RBM46: variants seen among roughly 807,000 people sequenced by gnomAD.
The protein encoded by RBM46 is RNA binding motif protein 46.
In RBM46, 12 loss-of-function variants were observed where a neutral mutation model predicts 43.3. The ratio of observed to expected loss-of-function variants is 0.28; its 90% CI spans 0.18 to 0.45. RBM46 has a LOEUF of 0.45. Among genes scored for constraint, RBM46 ranks in the 20% least tolerant of loss-of-function variants. RBM46 has a pLI of 1.00. For synonymous variants in RBM46, 205 were observed against 207.6 expected, an observed-to-expected ratio of 0.99 and a Z score of 0.11; for missense variants, 412 against 639.1, an observed-to-expected ratio of 0.64 and a Z score of 3.83.
In RBM46 at chr4:154,789,052, G is replaced by A. The variant is rs184880332; in HGVS notation, c.-12+7616G>A. On this transcript the variant is annotated intron_variant, in intron 1 of 4. Transcript: ENST00000281722. ...TATCCTGAGACTTTGCTGAAGTTGC[G>A]TATCAGCTTAAGGAGATTTTGGGCT... Among the ~76,000 whole-genome samples the A allele has an allele frequency of 5.3e-4, 81 of 152,212 alleles. 1 individual carries two copies. The East Asian group carries it at 0.012, about 22-fold the overall frequency.
chr4:154,827,149 ATT>A, intron 4 of RBM46: 2 of 934,678 alleles, frequency 2.1e-6, no homozygotes, highest in Non-Finnish European at 2.6e-6. Context: ...ATGAATGTTT[ATT>A]GTGAAACAGT....
intron 1 of RBM46, chr4:154,782,002 T>G (rs1293314818): frequency 2.6e-5 from 4 of 152,308 alleles, no homozygotes; most frequent in Non-Finnish European, 5.9e-5. Flanking sequence ...CCTAGTCGTT[T>G]GCGTGGAGTT....
intron 4 of RBM46, among the ~76,000 whole-genome samples, chr4:154,802,047 G>C (rs1734662558): frequency 6.6e-6 from 1 of 152,054 alleles, no homozygotes; most frequent in African/African-American, 2.4e-5. Context: ...TTCAGGCTCA[G>C]AACAGTTAAT....
intron 4 of RBM46, among the ~76,000 whole-genome samples, chr4:154,800,919 A>G (rs1275787134): frequency 6.6e-6 from 1 of 151,942 alleles, no homozygotes; most frequent in African/African-American, 2.4e-5. Flanking sequence ...ATTTTTATAT[A>G]TTGTTTAGGC....
chr4:154,825,226 G>T (rs1735903905), intron 4 of RBM46, among the ~76,000 whole-genome samples: 1 of 152,024 alleles, frequency 6.6e-6, no homozygotes, highest in Admixed American at 6.6e-5. Flanking sequence ...TATATGCTAG[G>T]AATGTTAACT....
Position 154,797,774 on chromosome 4 carries a change from A to G in RBM46, c.152-37A>G, listed in dbSNP as rs60079962. On this transcript the variant is annotated intron_variant, in intron 2 of 4. Transcript: ENST00000281722. ...ATTGAATAGTGAGTACAAATATCCA[A>G]TTAGAATTTATGTGTCTTTTCATTT... The G allele has an allele frequency of 9.4e-3, 12,732 of 1,349,868 alleles. 807 individuals are homozygous for G. The African/African-American group carries it at 0.15, about 16-fold the overall frequency. 83.6% of individuals were successfully genotyped at this position (1,349,868 alleles called of 1,614,324 possible).
chr4:154,826,422 C>T (rs534322287), intron 4 of RBM46, among the ~76,000 whole-genome samples: 1 of 152,228 alleles, frequency 6.6e-6, no homozygotes, highest in East Asian at 1.9e-4. Flanking sequence ...CGCACCATTG[C>T]ACCCCAGCTT....
At chr4:154,787,178 CT>C (rs765705977) in intron 1 of RBM46, 37 of 152,198 alleles carry the variant, frequency 2.4e-4, no homozygotes, top group Non-Finnish European at 5.1e-4. Flanking sequence ...AGTTTAATAT[CT>C]GATATGTCTT....
chr4:154,811,669 C>CTGTGTGTGTGTGTGTGTG (rs70947182), intron 4 of RBM46, among the ~76,000 whole-genome samples: 4 of 130,760 alleles, frequency 3.1e-5, no homozygotes, highest in African/African-American at 8.4e-5. Context: ...GTGTGTGTGT[C>CTGTGTGTGTGTGTGTGTG]TGTGTGTGTG....
intron 4 of RBM46, among the ~76,000 whole-genome samples, chr4:154,826,388 G>A (rs1201257088): frequency 6.6e-6 from 1 of 152,122 alleles, no homozygotes; most frequent in Non-Finnish European, 1.5e-5. Context: ...AACCCAGGAG[G>A]TGGAGGTTGC....
At chr4:154,826,144 C>A (rs1160059848) in intron 4 of RBM46, among the ~76,000 whole-genome samples, 1 of 137,622 alleles carries the variant, frequency 7.3e-6, no homozygotes, top group Non-Finnish European at 1.6e-5. Context: ...TGAAGTGGAT[C>A]CTTTTAAAAA....
intron 1 of RBM46, among the ~76,000 whole-genome samples, chr4:154,786,674 A>G (rs1293797641): frequency 6.6e-6 from 1 of 151,960 alleles, no homozygotes; most frequent in Non-Finnish European, 1.5e-5. Context: ...CACGCCTTTA[A>G]TCCCAGCACT....
intron 4 of RBM46, among the ~76,000 whole-genome samples, chr4:154,811,669 CTGTGTGTGTGTG>C (rs70947182): frequency 3.1e-5 from 4 of 130,758 alleles, no homozygotes; most frequent in African/African-American, 5.6e-5. Context: ...GTGTGTGTGT[CTGTGTGTGTGTG>C]TGTGTGTGTG....
intron 4 of RBM46, among the ~76,000 whole-genome samples, chr4:154,805,493 A>G (rs932810848): frequency 6.6e-6 from 1 of 151,972 alleles, no homozygotes; most frequent in African/African-American, 2.4e-5. Context: ...TATTTAGTAG[A>G]TATATATTCT....
At position 154,809,442 on chromosome 4, in the gene RBM46, A is replaced by G. The variant is rs577002719; in HGVS notation, c.1402+9878A>G. 5.3e-5 allele frequency among the ~76,000 whole-genome samples: 8 copies of G among 152,242 alleles called. No homozygotes were observed. In the East Asian group the frequency reaches 1.5e-3, roughly 29 times the overall value. On this transcript the variant is annotated intron_variant, in intron 4 of 4. Transcript: ENST00000281722. ...TTTTTTTATTCTGAAATTATTTATA[A>G]TGAGTTTTCTATGACAAAAACTTGT...
chr4:154,800,236 A>G (rs1734566406), intron 4 of RBM46, among the ~76,000 whole-genome samples: 1 of 152,088 alleles, frequency 6.6e-6, no homozygotes. Flanking sequence ...TTTATTATAG[A>G]GTGTCCCTGC....
intron 4 of RBM46, among the ~76,000 whole-genome samples, chr4:154,807,760 T>G (rs1734976226): frequency 6.6e-6 from 1 of 151,904 alleles, no homozygotes; most frequent in African/African-American, 2.4e-5. Flanking sequence ...TATCCCCAAA[T>G]AATTAGAAAC....
chr4:154,799,961 CAG>C (rs1734546824), intron 4 of RBM46, among the ~76,000 whole-genome samples: 1 of 151,910 alleles, frequency 6.6e-6, no homozygotes, highest in Admixed American at 6.6e-5. Flanking sequence ...TTAGTAGAGA[CAG>C]GGTTTCACTG....
In RBM46 at chr4:154,799,259, A is replaced by G. The variant is rs200783468; in HGVS notation, c.1097A>G (p.Glu366Gly). ...CATAGCCCAAGTCCGCCTGAAGTTG[A>G]AAGATGCACTTACCCTTTTTATCCT... Reference protein sequence around the residue: ...GQHSPSPPEVERCTYPFYPGT... With the variant: ...GQHSPSPPEVGRCTYPFYPGT... The change falls in exon 4 of 5, where the codon GAA becomes GGA. Residue 366 changes from glutamate to glycine, a missense_variant. Transcript: ENST00000281722. 23 of 1,614,216 alleles carry G rather than the reference A, an allele frequency of 1.4e-5. No individual in the cohort carries two copies. In the East Asian group the frequency reaches 4.9e-4, roughly 34 times the overall value.
Sources: gnomAD v4.1 joint callset for allele counts (sites outside exome capture counted in the v4.1 genomes callset) on GRCh38, gnomAD v4.1.1 for gene constraint, MANE v1.5 for transcripts, NCBI Gene and HGNC (gene_info 2026-07-23, HGNC 2026-07-21) for gene names.